The following DGLUCY variants were observed in gnomAD, a reference collection of about 807,000 sequenced individuals.
DGLUCY encodes D-glutamate cyclase, mitochondrial.
In DGLUCY, 58 loss-of-function variants were observed where a neutral mutation model predicts 58.5. That is an observed-to-expected ratio of 0.99 (90% CI 0.80 to 1.23). The LOEUF is 1.23. DGLUCY is among the 50% of genes most tolerant of loss of function. DGLUCY has a pLI of 0.00. For missense variants in DGLUCY, 779 were observed against 784.7 expected, an observed-to-expected ratio of 0.99 and a Z score of 0.09; for synonymous variants, 325 against 314.1, an observed-to-expected ratio of 1.03 and a Z score of -0.37.
rs377630807 is a variant in DGLUCY at position 91,203,619 on chromosome 14, G to C, written c.1445-1087G>C. Among the ~76,000 whole-genome samples, 25 of 151,796 alleles carry C rather than the reference G, an allele frequency of 1.6e-4. No individual in the cohort carries two copies. The East Asian group carries it at 3.9e-3, about 23-fold the overall frequency. On this transcript the variant is annotated intron_variant, in intron 11 of 13. Transcript: ENST00000256324. ...CTGGACACAGGAGCTGTGTCCCCCA[G>C]ATCTACAGCACCACCTCAAAGGGTA...
At chr14:91,204,460 G>A (rs965977303) in intron 11 of DGLUCY, among the ~76,000 whole-genome samples, 6 of 152,170 alleles carry the variant, frequency 3.9e-5, no homozygotes, top group Admixed American at 3.3e-4. Flanking sequence ...ATCTTTGCTG[G>A]AGAATGTGAC....
At chr14:91,191,901 A>G (rs1200745100) in intron 9 of DGLUCY, among the ~76,000 whole-genome samples, 2 of 152,170 alleles carry the variant, frequency 1.3e-5, no homozygotes, top group Non-Finnish European at 2.9e-5. Context: ...CAGGTTTGAC[A>G]TTTGCGCCCT....
intron 1 of DGLUCY, among the ~76,000 whole-genome samples, chr14:91,133,668 C>T (rs1265039700): frequency 6.6e-6 from 1 of 152,148 alleles, no homozygotes; most frequent in Non-Finnish European, 1.5e-5. Flanking sequence ...GGATTACAGG[C>T]ATGAGCCACC....
At chr14:91,063,634 CA>C (rs1258991848) in intron 1 of DGLUCY, among the ~76,000 whole-genome samples, 1 of 152,188 alleles carries the variant, frequency 6.6e-6, no homozygotes, top group Non-Finnish European at 1.5e-5. Flanking sequence ...ATGGAGGGAT[CA>C]AAATTTTAGG....
chr14:91,158,708 C>G (rs2047800354), intron 2 of DGLUCY: 1 of 152,164 alleles, frequency 6.6e-6, no homozygotes, highest in Non-Finnish European at 1.5e-5. Context: ...TACTGAACTC[C>G]CACCTTTGTG....
At chr14:91,204,157 C>T (rs957016654) in intron 11 of DGLUCY, among the ~76,000 whole-genome samples, 8 of 152,200 alleles carry the variant, frequency 5.3e-5, no homozygotes, top group Non-Finnish European at 5.9e-5. Flanking sequence ...ATCAGATGGG[C>T]CTCAAGACTA....
intron 13 of DGLUCY, among the ~76,000 whole-genome samples, chr14:91,218,281 G>A (rs8006841): frequency 0.058 from 8,773 of 152,160 alleles, 556 homozygotes; most frequent in African/African-American, 0.16. Context: ...ACAAAAGAAC[G>A]AACCCAGCCA....
At chr14:91,060,502 C>T (rs2043623921) in exon 1 of DGLUCY, 4 of 1,266,602 alleles carry the variant, frequency 3.2e-6, no homozygotes, top group Non-Finnish European at 4.0e-6. Context: ...ACGCCCGTCC[C>T]CTCGCAGCCG....
chr14:91,190,399 C>T (rs1005036352), intron 9 of DGLUCY, among the ~76,000 whole-genome samples: 9 of 152,208 alleles, frequency 5.9e-5, no homozygotes, highest in Non-Finnish European at 7.4e-5. Context: ...AAGATGAATG[C>T]ACAGTGTGTT....
chr14:91,074,323 A>G (rs1414420216), intron 1 of DGLUCY, among the ~76,000 whole-genome samples: 2 of 145,954 alleles, frequency 1.4e-5, no homozygotes, highest in Non-Finnish European at 3.0e-5. Context: ...ATATATATAT[A>G]TATATATAAA....
In DGLUCY at chr14:91,195,196, C is replaced by G. The variant is rs199573008; in HGVS notation, c.1196-1179C>G. Among the ~76,000 whole-genome samples the G allele has an allele frequency of 4.6e-5, 7 of 152,248 alleles. No homozygotes were observed. In the East Asian group the frequency reaches 7.7e-4, roughly 17 times the overall value. ...GACCATAACAGTGGGTCCAAGACAC[C>G]CTGCTCCTGGCTCCCTGCCGTCTTA... On this transcript the variant is annotated intron_variant, in intron 9 of 13. Coordinates refer to ENST00000256324, the MANE Select transcript of DGLUCY (RefSeq NM_001102368.3).
intron 7 of DGLUCY, among the ~76,000 whole-genome samples, chr14:91,179,592 A>C (rs2049042945): frequency 6.6e-6 from 1 of 152,016 alleles, no homozygotes; most frequent in Non-Finnish European, 1.5e-5. Context: ...CTCTACTAAA[A>C]ATACAAAAAT....
intron 1 of DGLUCY, among the ~76,000 whole-genome samples, chr14:91,064,831 G>A (rs1015720422): frequency 1.3e-5 from 2 of 152,164 alleles, no homozygotes; most frequent in Middle Eastern, 3.4e-3. Flanking sequence ...TACCACTGAT[G>A]ACAATATCCA....
At chr14:91,177,848 C>CA (rs1658854411) in intron 7 of DGLUCY, among the ~76,000 whole-genome samples, 1 of 152,240 alleles carries the variant, frequency 6.6e-6, no homozygotes, top group East Asian at 1.9e-4. Context: ...TGCTATGTGC[C>CA]AGGCATGCAC....
chr14:91,172,142 C>A (rs2048604558), intron 5 of DGLUCY, among the ~76,000 whole-genome samples: 1 of 152,200 alleles, frequency 6.6e-6, no homozygotes, highest in South Asian at 2.1e-4. Flanking sequence ...ACAGTCACAG[C>A]TCACTGCAGC....
intron 11 of DGLUCY, among the ~76,000 whole-genome samples, chr14:91,204,235 G>A (rs2050743386): frequency 6.6e-6 from 1 of 152,200 alleles, no homozygotes; most frequent in South Asian, 2.1e-4. Context: ...TATTTCAGAT[G>A]TTAACCAGGT....
At chr14:91,088,699 G>A (rs1357968349) in intron 1 of DGLUCY, among the ~76,000 whole-genome samples, 2 of 152,222 alleles carry the variant, frequency 1.3e-5, no homozygotes, top group African/African-American at 4.8e-5. Flanking sequence ...GCAGGCCACG[G>A]TGACCTCAAC....
upstream of DGLUCY, among the ~76,000 whole-genome samples, chr14:91,105,558 G>A (rs1254561325): frequency 6.6e-6 from 1 of 152,170 alleles, no homozygotes; most frequent in African/African-American, 2.4e-5. Context: ...ATAAACAGGA[G>A]AGCAACATAG....
intron 1 of DGLUCY, among the ~76,000 whole-genome samples, chr14:91,062,240 T>C (rs1366112432): frequency 6.6e-6 from 1 of 152,066 alleles, no homozygotes; most frequent in Non-Finnish European, 1.5e-5. Context: ...TAATTATTTT[T>C]GAATCACTTA....
Sources: allele counts gnomAD v4.1 joint callset (sites outside exome capture counted in the v4.1 genomes callset), GRCh38; gene constraint gnomAD v4.1.1; transcripts MANE v1.5; gene names NCBI Gene and HGNC (gene_info 2026-07-23, HGNC 2026-07-21).